The following NLRC3 variants were observed in gnomAD, a reference collection of about 807,000 sequenced individuals.
The protein encoded by NLRC3 is NLR family CARD domain containing 3.
Under a neutral mutation model 91.6 loss-of-function variants are expected in NLRC3, and 87 were observed. The ratio of observed to expected loss-of-function variants is 0.95; its 90% CI spans 0.80 to 1.14. NLRC3 has a LOEUF of 1.14. Ranked by LOEUF, NLRC3 falls within the 50% of genes most tolerant of loss-of-function variation. The pLI is 0.00. For missense variants in NLRC3, 1,577 were observed against 1,418.6 expected (o/e 1.11, Z -1.79); for synonymous variants, 694 against 625.3 (o/e 1.11, Z -1.64).
At chr16:3,547,638 ATATG>A (rs2038764518) in intron 15 of NLRC3, among the ~76,000 whole-genome samples, 1 of 151,770 alleles carries the variant, frequency 6.6e-6, no homozygotes, top group Non-Finnish European at 1.5e-5. Flanking sequence ...ATGTGTGTGT[ATATG>A]TGTGTGTGTG....
In NLRC3 at chr16:3,540,249, T is replaced by C. The variant is rs531150268; in HGVS notation, c.*1576A>G. ...CCTTCATCCATGGCCTCAGCATCCATGATGGTTCCTGTCCGGATGCTCACT... is the reference window on the plus strand; with the variant it reads ...CCTTCATCCATGGCCTCAGCATCCACGATGGTTCCTGTCCGGATGCTCACT... On this transcript the variant is annotated 3_prime_UTR_variant, in exon 20 of 20. Transcript: ENST00000359128. 6.6e-6 allele frequency: 1 copy of C among 152,394 alleles called. No individual in the cohort carries two copies. Among genetic ancestry groups the C allele is most frequent in the South Asian group, 2.1e-4 (1 of 4,832 alleles). The allele number at this position is 152,394 out of a possible 1,614,324, so 9.4% of individuals were successfully genotyped here.
At chr16:3,544,442 C>A (rs2038581680) in intron 15 of NLRC3, 113 bp from the exon 16 acceptor site, 4 of 706,184 alleles carry the variant, frequency 5.7e-6, no homozygotes, top group African/African-American at 3.5e-5. Flanking sequence ...CATAGACACT[C>A]CCAGGGTTTC....
At chr16:3,547,847 A>C (rs905082106) in intron 15 of NLRC3, among the ~76,000 whole-genome samples, 1 of 151,778 alleles carries the variant, frequency 6.6e-6, no homozygotes, top group Non-Finnish European at 1.5e-5. Flanking sequence ...TTTTGTATTT[A>C]TAGTAGAGAT....
At chr16:3,549,805 G>T (rs971243704) in intron 11 of NLRC3, 25 bp from the exon 12 acceptor site, 1 of 1,532,956 alleles carries the variant, frequency 6.5e-7, no homozygotes, top group South Asian at 1.2e-5. Flanking sequence ...GGCGCCCTGG[G>T]TGTGGCTGTC....
At position 3,563,183 on chromosome 16, in the gene NLRC3, T is replaced by G. The variant is rs1212778844; in HGVS notation, c.1754A>C (p.Glu585Ala). The change falls in exon 5 of 20, where the codon GAG (glutamate) becomes GCG (alanine). Residue 585 changes from glutamate (E) to alanine (A), a missense_variant. Glu to Ala is a moderately radical substitution (Grantham distance 107). Coordinates refer to ENST00000359128, the MANE Select transcript of NLRC3 (RefSeq NM_178844.4). ...GGCCAGGGCCCCGCTCTCCATGGCC[T>G]CCTCCACGCTGCGGGCCAGCTCGGT... Reference protein sequence around the residue: ...QHTELARSVEEAMESGALARL... With the variant: ...QHTELARSVEAAMESGALARL... 1.0e-5 allele frequency: 16 copies of G among 1,593,632 alleles called. No individual in the cohort carries two copies. Among genetic ancestry groups the G allele is most frequent in the East Asian group, 6.8e-5 (3 of 44,110 alleles).
At chr16:3,569,414 T>A (rs867054727) in intron 1 of NLRC3, among the ~76,000 whole-genome samples, 9 of 117,580 alleles carry the variant, frequency 7.7e-5, no homozygotes, top group Non-Finnish European at 1.4e-4. Flanking sequence ...TTTTTTTTTT[T>A]TTTTTTTGAG....
intron 1 of NLRC3, among the ~76,000 whole-genome samples, chr16:3,568,543 G>C (rs1253759721): frequency 6.6e-6 from 1 of 152,218 alleles, no homozygotes; most frequent in Non-Finnish European, 1.5e-5. Context: ...GGGCAAAGTA[G>C]TGAGACCGTA....
rs767621891 is a variant in NLRC3 at position 3,564,664 on chromosome 16, C to G, written c.273G>C (p.Leu91=). The stretch of plus-strand genomic sequence containing the variant: ...GCAGGTCCGTCAGGCCCTCCACCAG[C>G]AGGAGGGAGGCCAGCCTGTGCCAGG... ...GGPWHRLASL[L]LVEGLTDLQL... Residue 91 remains leucine (L), a synonymous_variant, in exon 5 of 20, where the codon CTG becomes CTC. Transcript: ENST00000359128. This position sits in a 1 kb window ranked among gnomAD's most constrained non-coding sequence, Gnocchi z 5.9. 10 of 1,604,928 alleles carry G rather than the reference C, an allele frequency of 6.2e-6. No individual in the cohort carries two copies. The East Asian group carries it at 2.2e-4, about 36-fold the overall frequency.
chr16:3,571,665 G>C (rs2040102509), intron 1 of NLRC3, among the ~76,000 whole-genome samples: 1 of 151,770 alleles, frequency 6.6e-6, no homozygotes, highest in Admixed American at 6.6e-5. Context: ...ATATTTGCCA[G>C]GCGTGGTGGC....
rs2039833623 is a variant in NLRC3 at position 3,565,393 on chromosome 16, A to G, written c.-86-13T>C. The stretch of plus-strand genomic sequence containing the variant: ...CTTCATTTGTGACCTGGAAATGATG[A>G]TGAGGTTACAAGTAAGTTTGCTCAA... On this transcript the variant is annotated splice_polypyrimidine_tract_variant and intron_variant, in intron 2 of 19. Coordinates refer to ENST00000359128, the MANE Select transcript of NLRC3 (RefSeq NM_178844.4). The G allele has an allele frequency of 2.2e-6, 1 of 462,510 alleles. No individual in the cohort carries two copies. Among genetic ancestry groups the G allele is most frequent in the South Asian group, 1.6e-5 (1 of 63,706 alleles). 28.7% of individuals were successfully genotyped at this position (462,510 alleles called of 1,614,324 possible). A position where few individuals can be genotyped will look rare whatever the true frequency, so the allele number is the denominator to read the frequency against.
intron 15 of NLRC3, 32 bp from the exon 16 acceptor site, chr16:3,544,361 C>T (rs760541084): frequency 1.7e-5 from 25 of 1,498,796 alleles, no homozygotes; most frequent in Admixed American, 5.0e-5. Context: ...TTTGGGTGCA[C>T]GGGGCACAGG....
Position 3,548,172 on chromosome 16 carries a change from G to T in NLRC3, c.2734C>A (p.Gln912Lys). 1 of 1,595,906 alleles carries T rather than the reference G, an allele frequency of 6.3e-7. No homozygotes were observed. Residue 912 changes from glutamine (Q) to lysine (K), a missense_variant, in exon 15 of 20, where the codon CAA (glutamine) becomes AAA (lysine). Transcript: ENST00000359128. The stretch of plus-strand genomic sequence containing the variant: ...AGGCTCCTGTTGAGCTGTAGTGCTT[G>T]TCCCAGGGCCTGGGCAGCGCCGGCC... ...IQAGAAQALG[Q>K]ALQLNRSLTS... is the part of the protein sequence containing the mutation.
At chr16:3,548,936 C>T (rs181080893) in intron 13 of NLRC3, among the ~76,000 whole-genome samples, 183 bp from the exon 14 acceptor site, 26 of 152,302 alleles carry the variant, frequency 1.7e-4, no homozygotes, top group Admixed American at 1.3e-3. Context: ...GTGAAGCAGA[C>T]GGCGTCACAC....
At chr16:3,547,433 G>A (rs940716683) in intron 15 of NLRC3, among the ~76,000 whole-genome samples, 3 of 148,366 alleles carry the variant, frequency 2.0e-5, no homozygotes, top group Non-Finnish European at 4.4e-5. Flanking sequence ...TGGGTAGTGA[G>A]TGCTAACGGG....
chr16:3,564,100 C>A lies in NLRC3; in HGVS notation c.837G>T (p.Leu279=). The A allele has an allele frequency of 1.2e-6, 2 of 1,613,662 alleles. No individual in the cohort carries two copies. The highest frequency in any genetic ancestry group is 1.7e-6 in the Non-Finnish European group (2 of 1,179,888). ...PSASGQIPGG[L]VDRMTEIRGF... is the part of the protein sequence containing the mutation. ...CCCGGATCTCCGTCATCCGGTCCAC[C>A]AGGCCCCCTGGGATCTGGCCAGATG... Residue 279 remains leucine (L), a synonymous_variant, in exon 5 of 20, where the codon CTG becomes CTT. Coordinates refer to ENST00000359128, the MANE Select transcript of NLRC3 (RefSeq NM_178844.4). The surrounding 1 kb of genome is among the most constrained non-coding windows in gnomAD (Gnocchi z 5.9).
At position 3,542,750 on chromosome 16, in the gene NLRC3, C is replaced by G. The variant is rs2038472969; in HGVS notation, c.2965G>C (p.Ala989Pro). The G allele has an allele frequency of 6.2e-7, 1 of 1,608,814 alleles. No individual in the cohort carries two copies. The highest frequency in any genetic ancestry group is 8.5e-7 in the Non-Finnish European group (1 of 1,177,678). The change falls in exon 18 of 20, where the codon GCT (alanine) becomes CCT (proline). Residue 989 changes from alanine to proline, a missense_variant. Ala to Pro is a conservative substitution (Grantham distance 27). Transcript: ENST00000359128. The stretch of plus-strand genomic sequence containing the variant: ...GCATTTGCCAGGGCTTTGGCTCCAG[C>G]CACCCCAATGGCATTTCCTCTTAAG... ...LDLRGNAIGV[A>P]GAKALANALK...
rs770879306 is a variant in NLRC3 at position 3,563,932 on chromosome 16, C to T, written c.1005G>A (p.Thr335=). ...GCCACAGGTGGCCTAGCGCCATCCC[C>T]GTGAGCCTGCAGAAGGCTGGGACGG... The part of the protein sequence containing the change: ...MCTVPAFCRL[T]GMALGHLWRS... Residue 335 remains threonine (T), a synonymous_variant, in exon 5 of 20, where the codon ACG becomes ACA. Coordinates refer to ENST00000359128, the MANE Select transcript of NLRC3 (RefSeq NM_178844.4). 4.2e-5 allele frequency: 67 copies of T among 1,592,810 alleles called. No homozygotes were observed. The Middle Eastern group carries it at 5.0e-4, about 12-fold the overall frequency.
chr16:3,558,159 T>TAG (rs2039437875), intron 6 of NLRC3, among the ~76,000 whole-genome samples: 1 of 151,954 alleles, frequency 6.6e-6, no homozygotes, highest in South Asian at 2.1e-4. Context: ...CTGGGAAACA[T>TAG]AGGGAGATCT....
rs1391000573 is a variant in NLRC3 at position 3,564,630 on chromosome 16, C to G, written c.307G>C (p.Glu103Gln). ...GCCTCCACCTGTGTGAAGTCGTGTT[C>G]CCTCAGCTGCAGGTCCGTCAGGCCC... ...VEGLTDLQLR[E>Q]HDFTQVEATR... The change falls in exon 5 of 20, where the codon GAA (glutamate) becomes CAA (glutamine). Residue 103 changes from glutamate to glutamine, a missense_variant. Physicochemically the swap from Glu to Gln is conservative, Grantham distance 29 (BLOSUM62 2). Coordinates refer to ENST00000359128, the MANE Select transcript of NLRC3 (RefSeq NM_178844.4). The surrounding 1 kb of genome is among the most constrained non-coding windows in gnomAD (Gnocchi z 5.9). 6.2e-7 allele frequency: 1 copy of G among 1,608,604 alleles called. No individual in the cohort carries two copies. The highest frequency in any genetic ancestry group is 1.7e-5 in the Admixed American group (1 of 59,976).
Sources: allele counts gnomAD v4.1 joint callset (sites outside exome capture counted in the v4.1 genomes callset), GRCh38; gene constraint gnomAD v4.1.1; non-coding constraint Gnocchi (gnomAD v3.1); transcripts MANE v1.5; gene names NCBI Gene and HGNC (gene_info 2026-07-23, HGNC 2026-07-21).